Variants in PXDNL observed in about 807,000 individuals in gnomAD.
PXDNL encodes peroxidasin like.
PXDNL carries 145 observed loss-of-function variants against 150.8 expected under a neutral mutation model. The ratio of observed to expected loss-of-function variants is 0.96; its 90% CI spans 0.84 to 1.10. PXDNL has a LOEUF of 1.10. Ranked by LOEUF, PXDNL falls within the 50% of genes least tolerant of loss-of-function variation. The probability of loss-of-function intolerance (pLI) is 0.00; values close to 1 mark genes in which losing one functional copy is unlikely to be tolerated. For synonymous variants in PXDNL, 757 were observed against 725.7 expected (o/e 1.04, Z -0.69); for missense variants, 2,087 against 1,873.9 (o/e 1.11, Z -2.10).
At chr8:51,663,955 G>A (rs1815328320) in intron 1 of PXDNL, among the ~76,000 whole-genome samples, 1 of 151,658 alleles carries the variant, frequency 6.6e-6, no homozygotes, top group African/African-American at 2.4e-5. Context: ...GGAGGCTGAG[G>A]CAGGAGAATC....
chr8:51,319,795 A>G lies in PXDNL; in HGVS notation c.*96T>C. ...TAAGTTGCTTAAGTCAGTGGTTTCC[A>G]TATCAACAATGTGACTACAAGTTAA... On this transcript the variant is annotated 3_prime_UTR_variant, in exon 23 of 23. Coordinates refer to ENST00000356297, the MANE Select transcript of PXDNL (RefSeq NM_144651.5). 8.6e-7 allele frequency: 1 copy of G among 1,163,260 alleles called. No homozygotes were observed. The highest frequency in any genetic ancestry group is 1.1e-6 in the Non-Finnish European group (1 of 874,082). 72.1% of individuals were successfully genotyped at this position (1,163,260 alleles called of 1,614,324 possible).
chr8:51,658,757 T>G (rs1448949898), intron 1 of PXDNL, among the ~76,000 whole-genome samples: 2 of 152,220 alleles, frequency 1.3e-5, no homozygotes, highest in Non-Finnish European at 2.9e-5. Flanking sequence ...TATATGGTTG[T>G]TAAAACTTCC....
Position 51,658,740 on chromosome 8 carries a change from C to A in PXDNL, c.165-3980G>T, listed in dbSNP as rs563211615. On this transcript the variant is annotated intron_variant, in intron 1 of 22. Transcript: ENST00000356297. ...ATTTACCCAGAAATACAATTCATTT[C>A]CCATGTTATATGGTTGTTAAAACTT... 4.6e-5 allele frequency among the ~76,000 whole-genome samples: 7 copies of A among 152,238 alleles called. No homozygotes were observed. The South Asian group carries it at 1.5e-3, about 32-fold the overall frequency.
intron 1 of PXDNL, among the ~76,000 whole-genome samples, chr8:51,656,291 A>C (rs1168076379): frequency 6.6e-6 from 1 of 152,150 alleles, no homozygotes; most frequent in Admixed American, 6.5e-5. Flanking sequence ...AAAATGAGCA[A>C]AATTTTATAG....
chr8:51,762,181 A>T (rs756918645), intron 1 of PXDNL, among the ~76,000 whole-genome samples: 1 of 152,168 alleles, frequency 6.6e-6, no homozygotes, highest in African/African-American at 2.4e-5. Flanking sequence ...TGCCCTACAA[A>T]CCATAAATTC....
intron 17 of PXDNL, among the ~76,000 whole-genome samples, chr8:51,404,746 C>G (rs1017063014): frequency 2.0e-5 from 3 of 152,248 alleles, no homozygotes; most frequent in African/African-American, 7.2e-5. Flanking sequence ...GACTCAGGAG[C>G]CCAGCTGGCT....
At chr8:51,634,839 C>G (rs1814573155) in intron 2 of PXDNL, among the ~76,000 whole-genome samples, 1 of 152,028 alleles carries the variant, frequency 6.6e-6, no homozygotes, top group Non-Finnish European at 1.5e-5. Flanking sequence ...TACTGTGAAA[C>G]CTTACTGAAG....
chr8:51,540,612 CT>C (rs1383864533), intron 4 of PXDNL, among the ~76,000 whole-genome samples: 1 of 151,674 alleles, frequency 6.6e-6, no homozygotes, highest in Non-Finnish European at 1.5e-5. Flanking sequence ...ATTTATTGAG[CT>C]TTATTATGTA....
chr8:51,506,794 G>A (rs975277646), intron 4 of PXDNL, among the ~76,000 whole-genome samples: 9 of 152,088 alleles, frequency 5.9e-5, no homozygotes, highest in African/African-American at 2.2e-4. Context: ...CTTTATTAAG[G>A]ATCATCAATG....
chr8:51,506,794 G>C (rs975277646), intron 4 of PXDNL, among the ~76,000 whole-genome samples: 1 of 152,088 alleles, frequency 6.6e-6, no homozygotes, highest in Non-Finnish European at 1.5e-5. Flanking sequence ...CTTTATTAAG[G>C]ATCATCAATG....
chr8:51,728,129 T>C (rs145330338), intron 1 of PXDNL, among the ~76,000 whole-genome samples: 1 of 152,336 alleles, frequency 6.6e-6, no homozygotes, highest in East Asian at 1.9e-4. Flanking sequence ...TCCTATTGTC[T>C]AGTGATGTCA....
chr8:51,525,440 T>C (rs79222930), intron 4 of PXDNL, among the ~76,000 whole-genome samples: 1 of 152,230 alleles, frequency 6.6e-6, no homozygotes, highest in Non-Finnish European at 1.5e-5. Flanking sequence ...CCCCTCGGTC[T>C]GCTTCGCTCT....
At chr8:51,323,624 T>A (rs1280676400) in intron 21 of PXDNL, among the ~76,000 whole-genome samples, 1 of 152,094 alleles carries the variant, frequency 6.6e-6, no homozygotes, top group Non-Finnish European at 1.5e-5. Context: ...GAATCTTGTA[T>A]GTACCAGGGC....
intron 1 of PXDNL, among the ~76,000 whole-genome samples, chr8:51,761,061 G>A (rs2037160852): frequency 7.2e-6 from 1 of 138,514 alleles, no homozygotes; most frequent in Non-Finnish European, 1.5e-5. Flanking sequence ...TTTTAGTAGA[G>A]ACGGGGTTTC....
In PXDNL at chr8:51,395,564, A is replaced by G. The variant is rs563434579; in HGVS notation, c.3557+12503T>C. Among the ~76,000 whole-genome samples the G allele has an allele frequency of 2.6e-5, 4 of 152,330 alleles. No homozygotes were observed. In the South Asian group the frequency reaches 8.3e-4, roughly 32 times the overall value. Reference sequence around the variant, plus strand: ...AATTATGAGACAAAAGAAACAACCAATATTTTTTAAGTATATATTGAATTG... The same window carrying G: ...AATTATGAGACAAAAGAAACAACCAGTATTTTTTAAGTATATATTGAATTG... On this transcript the variant is annotated intron_variant, in intron 17 of 22. Coordinates refer to ENST00000356297, the MANE Select transcript of PXDNL (RefSeq NM_144651.5).
chr8:51,750,991 G>GT (rs1285396755), intron 1 of PXDNL, among the ~76,000 whole-genome samples: 2 of 151,802 alleles, frequency 1.3e-5, no homozygotes, highest in Non-Finnish European at 2.9e-5. Context: ...GCTGAGGCAG[G>GT]TAAAAAAATA....
chr8:51,378,779 C>T (rs995317174), intron 17 of PXDNL, among the ~76,000 whole-genome samples: 1 of 149,470 alleles, frequency 6.7e-6, no homozygotes, highest in Non-Finnish European at 1.5e-5. Flanking sequence ...GTAACACTCA[C>T]TGCGAAGGTC....
At chr8:51,559,732 C>T (rs1252697364) in intron 3 of PXDNL, among the ~76,000 whole-genome samples, 1 of 151,798 alleles carries the variant, frequency 6.6e-6, no homozygotes, top group African/African-American at 2.4e-5. Context: ...AAATTAGAAC[C>T]CTGGCTCCTA....
At chr8:51,809,090 T>A in intron 1 of PXDNL, 91 bp downstream of exon 1, 2 of 1,338,130 alleles carry the variant, frequency 1.5e-6, no homozygotes, top group Non-Finnish European at 2.1e-6. Flanking sequence ...GGGAGAGCAT[T>A]AGGAATCGTA....
Sources: gnomAD v4.1 joint callset for allele counts (sites outside exome capture counted in the v4.1 genomes callset) on GRCh38, gnomAD v4.1.1 for gene constraint, MANE v1.5 for transcripts, NCBI Gene and HGNC (gene_info 2026-07-23, HGNC 2026-07-21) for gene names.